Variants in BCAR3 observed in about 807,000 individuals in gnomAD.
BCAR3 encodes breast cancer anti-estrogen resistance protein 3.
In BCAR3, 37 loss-of-function variants were observed where a neutral mutation model predicts 80.1. That is an observed-to-expected ratio of 0.46 (90% CI 0.36 to 0.61). BCAR3 has a LOEUF of 0.61. Ranked by LOEUF, BCAR3 falls within the 20% of genes least tolerant of loss-of-function variation. BCAR3 has a pLI of 0.00. For missense variants in BCAR3, 978 were observed against 1,068.2 expected (o/e 0.92, Z 1.18); for synonymous variants, 389 against 418.9 (o/e 0.93, Z 0.87).
At chr1:93,588,650 C>A (rs893825262) in intron 5 of BCAR3, among the ~76,000 whole-genome samples, 26 of 152,106 alleles carry the variant, frequency 1.7e-4, no homozygotes, top group African/African-American at 6.3e-4. Context: ...TATGCCCATG[C>A]TATGCCTCCC....
chr1:93,613,037 C>T (rs1346043965), intron 3 of BCAR3, among the ~76,000 whole-genome samples: 1 of 152,154 alleles, frequency 6.6e-6, no homozygotes, highest in Non-Finnish European at 1.5e-5. Context: ...ATGAGCCAGT[C>T]CCACAGGAGA....
intron 3 of BCAR3, among the ~76,000 whole-genome samples, chr1:93,639,328 C>T (rs1166324296): frequency 2.6e-5 from 4 of 152,122 alleles, no homozygotes; most frequent in Admixed American, 2.0e-4. Context: ...GTCCCCTCGC[C>T]CCACGAGCTA....
At chr1:93,602,319 T>C (rs1674649718) in intron 3 of BCAR3, 2 of 151,530 alleles carry the variant, frequency 1.3e-5, no homozygotes, top group African/African-American at 2.4e-5. Flanking sequence ...CCCACGGGGG[T>C]TGGGCTGTGA....
chr1:93,678,677 G>A (rs182170211), intron 1 of BCAR3, among the ~76,000 whole-genome samples: 2 of 152,328 alleles, frequency 1.3e-5, no homozygotes, highest in East Asian at 1.9e-4. Flanking sequence ...ATATAAACAG[G>A]ATGAACTGAC....
chr1:93,682,308 G>A (rs1648821456), upstream of BCAR3, among the ~76,000 whole-genome samples: 1 of 152,184 alleles, frequency 6.6e-6, no homozygotes, highest in Non-Finnish European at 1.5e-5. Flanking sequence ...ATTTGGTGGG[G>A]TGAAAAATTG....
chr1:93,800,664 T>C (rs1653446575), intron 2 of BCAR3, among the ~76,000 whole-genome samples: 2 of 152,184 alleles, frequency 1.3e-5, no homozygotes. Flanking sequence ...ATTTGGATGA[T>C]TATCTGCTCT....
chr1:93,653,418 C>A (rs1158841448), intron 2 of BCAR3, among the ~76,000 whole-genome samples: 1 of 152,172 alleles, frequency 6.6e-6, no homozygotes, highest in East Asian at 1.9e-4. Flanking sequence ...TGTCTGTATT[C>A]CAGTTCACTG....
chr1:93,826,142 C>T (rs927034540), intron 2 of BCAR3, among the ~76,000 whole-genome samples: 3 of 152,078 alleles, frequency 2.0e-5, no homozygotes, highest in African/African-American at 4.8e-5. Flanking sequence ...ACTCCAGAGT[C>T]GGGGATTCTG....
chr1:93,578,091 C>T (rs1381838274), intron 7 of BCAR3, among the ~76,000 whole-genome samples: 1 of 152,198 alleles, frequency 6.6e-6, no homozygotes. Flanking sequence ...CAGAAGCACC[C>T]CCGATGAGGC....
intron 3 of BCAR3, among the ~76,000 whole-genome samples, chr1:93,702,975 G>A (rs1163935707): frequency 6.6e-6 from 1 of 152,222 alleles, no homozygotes; most frequent in African/African-American, 2.4e-5. Flanking sequence ...ACAGCCCAGG[G>A]ACCAGCAAAG....
intron 2 of BCAR3, among the ~76,000 whole-genome samples, chr1:93,774,220 C>G (rs1217891257): frequency 6.6e-6 from 1 of 152,126 alleles, no homozygotes; most frequent in Non-Finnish European, 1.5e-5. Context: ...CACAGTGGCT[C>G]ATGCCTGTAA....
chr1:93,624,349 AG>A (rs2101893073), intron 3 of BCAR3, among the ~76,000 whole-genome samples: 1 of 152,312 alleles, frequency 6.6e-6, no homozygotes, highest in Admixed American at 6.5e-5. Flanking sequence ...ACTTCTTTCC[AG>A]GTCAAAGGAC....
intron 7 of BCAR3, among the ~76,000 whole-genome samples, chr1:93,578,876 ATAT>A (rs1182631757): frequency 6.6e-6 from 1 of 152,110 alleles, no homozygotes; most frequent in African/African-American, 2.4e-5. Context: ...GGCTTTTAAT[ATAT>A]TATTATCTCA....
intron 8 of BCAR3, 30 bp downstream of exon 8, chr1:93,575,984 G>T: frequency 1.3e-6 from 2 of 1,588,258 alleles, no homozygotes; most frequent in African/African-American, 1.3e-5. Flanking sequence ...AGCTGGGAGG[G>T]TCGGAAGTGC....
At chr1:93,595,051 GAGA>G (rs1010990805) in intron 3 of BCAR3, among the ~76,000 whole-genome samples, 2 of 152,166 alleles carry the variant, frequency 1.3e-5, no homozygotes, top group Admixed American at 6.5e-5. Context: ...TAATTCCTAA[GAGA>G]AGAACAGGAA....
Position 93,642,275 on chromosome 1 carries a change from C to G in BCAR3, c.357+29G>C, listed in dbSNP as rs369788353. ...ATGGGAAATCTACTACCCAGGGTCACGGCTACATGTTTAATTCTCATTTCC... is the reference window on the plus strand; with the variant it reads ...ATGGGAAATCTACTACCCAGGGTCAGGGCTACATGTTTAATTCTCATTTCC... On this transcript the variant is annotated intron_variant, in intron 3 of 11. Coordinates refer to ENST00000260502, the MANE Select transcript of BCAR3 (RefSeq NM_003567.4). 3 of 1,609,480 alleles carry G rather than the reference C, an allele frequency of 1.9e-6. No individual in the cohort carries two copies. The Admixed American group carries it at 5.0e-5, about 27-fold the overall frequency.
intron 2 of BCAR3, among the ~76,000 whole-genome samples, chr1:93,747,962 C>G (rs1651415044): frequency 6.8e-6 from 1 of 147,786 alleles, no homozygotes; most frequent in African/African-American, 2.7e-5. Context: ...TGCCTCTGGT[C>G]CCAACTGAGA....
intron 3 of BCAR3, among the ~76,000 whole-genome samples, chr1:93,639,605 T>C (rs1675917152): frequency 6.6e-6 from 1 of 151,270 alleles, no homozygotes; most frequent in Non-Finnish European, 1.5e-5. Flanking sequence ...GCCTCCCGAG[T>C]AGCTAGGATT....
At chr1:93,636,542 T>C (rs236277) in intron 3 of BCAR3, among the ~76,000 whole-genome samples, 12,134 of 151,548 alleles carry the variant, frequency 0.08, 650 homozygotes, top group African/African-American at 0.15. Context: ...TGCCTATTCA[T>C]GGCTAATTTG....
Sources: gnomAD v4.1 joint callset for allele counts (sites outside exome capture counted in the v4.1 genomes callset) on GRCh38, gnomAD v4.1.1 for gene constraint, MANE v1.5 for transcripts, NCBI Gene and HGNC (gene_info 2026-07-23, HGNC 2026-07-21) for gene names.